Variants in TANGO6 observed in about 807,000 individuals in gnomAD.
TANGO6 encodes transport and golgi organization 6 homolog, also known as transport and Golgi organization protein 6 homolog.
TANGO6 carries 90 observed loss-of-function variants against 114.2 expected under a neutral mutation model. The ratio of observed to expected loss-of-function variants is 0.79; its 90% CI spans 0.66 to 0.94. The LOEUF (loss-of-function observed/expected upper bound fraction) is 0.94. Ranked by LOEUF, TANGO6 falls within the 40% of genes least tolerant of loss-of-function variation. The pLI, the probability that TANGO6 is intolerant of heterozygous loss-of-function variation, is 0.00. For synonymous variants in TANGO6, 477 were observed against 509.8 expected (o/e 0.94, Z 0.87); for missense variants, 1,274 against 1,315.3 (o/e 0.97, Z 0.49).
intron 17 of TANGO6, among the ~76,000 whole-genome samples, chr16:69,062,877 G>A (rs1189842140): frequency 6.7e-6 from 1 of 150,040 alleles, no homozygotes; most frequent in Admixed American, 6.6e-5. Flanking sequence ...GGTGAATCAC[G>A]AGGTCAGGAG....
intron 16 of TANGO6, among the ~76,000 whole-genome samples, chr16:69,023,968 C>T (rs1409928925): frequency 1.3e-5 from 2 of 151,916 alleles, no homozygotes; most frequent in African/African-American, 2.4e-5. Flanking sequence ...AGTGCAGTGG[C>T]GCAATCGTGG....
rs754486429 is a variant in TANGO6 at position 68,843,747 on chromosome 16, G to C, written c.94+36G>C. 4 of 1,604,486 alleles carry C rather than the reference G, an allele frequency of 2.5e-6. No individual in the cohort carries two copies. In the South Asian group the frequency reaches 4.4e-5, roughly 18 times the overall value. ...GCATCTCCGCGCCGGGCTGGACCCG[G>C]GACTCTCAGGGCCGCCCGGCTTCCG... On this transcript the variant is annotated intron_variant, in intron 1 of 17. Coordinates refer to ENST00000261778, the MANE Select transcript of TANGO6 (RefSeq NM_024562.2).
chr16:68,893,875 C>G (rs1962667251), intron 7 of TANGO6, among the ~76,000 whole-genome samples: 1 of 151,916 alleles, frequency 6.6e-6, no homozygotes, highest in Non-Finnish European at 1.5e-5. Context: ...GCCCCCCGCC[C>G]CGCCCCAACT....
intron 10 of TANGO6, among the ~76,000 whole-genome samples, 196 bp from the exon 11 acceptor site, chr16:68,909,015 A>G (rs1033713784): frequency 2.6e-5 from 4 of 152,210 alleles, no homozygotes; most frequent in African/African-American, 9.7e-5. Flanking sequence ...GCTGTGATAC[A>G]ATAAATACAT....
intron 15 of TANGO6, among the ~76,000 whole-genome samples, chr16:68,995,700 C>T (rs1378172391): frequency 6.6e-6 from 1 of 152,066 alleles, no homozygotes; most frequent in African/African-American, 2.4e-5. Context: ...TCCATTGTAC[C>T]CTGTTATTTA....
At chr16:69,005,989 C>CTT (rs1964088747) in intron 15 of TANGO6, among the ~76,000 whole-genome samples, 1 of 152,072 alleles carries the variant, frequency 6.6e-6, no homozygotes, top group Non-Finnish European at 1.5e-5. Context: ...ATTTAGAAGG[C>CTT]TTTTACAAAT....
intron 15 of TANGO6, among the ~76,000 whole-genome samples, chr16:68,978,968 A>C (rs1252188752): frequency 7.0e-6 from 1 of 142,828 alleles, no homozygotes; most frequent in Non-Finnish European, 1.5e-5. Flanking sequence ...TCTGTTGCCC[A>C]GGCTGGAATG....
intron 17 of TANGO6, among the ~76,000 whole-genome samples, chr16:69,072,334 G>A (rs1329405435): frequency 6.6e-6 from 1 of 152,070 alleles, no homozygotes; most frequent in Non-Finnish European, 1.5e-5. Flanking sequence ...CTGTGAATGA[G>A]ACGCACCCAG....
intron 16 of TANGO6, among the ~76,000 whole-genome samples, chr16:69,026,881 G>T (rs1395295041): frequency 4.0e-5 from 6 of 151,754 alleles, no homozygotes; most frequent in African/African-American, 1.5e-4. Flanking sequence ...TTTATTTTTT[G>T]AGATGGAGTC....
intron 15 of TANGO6, among the ~76,000 whole-genome samples, chr16:68,999,233 G>A (rs1964019033): frequency 6.6e-6 from 1 of 152,110 alleles, no homozygotes; most frequent in African/African-American, 2.4e-5. Flanking sequence ...ATCTGTGCCT[G>A]TAGATACTTG....
chr16:68,855,697 A>C (rs987437026), intron 1 of TANGO6, among the ~76,000 whole-genome samples: 15 of 152,146 alleles, frequency 9.9e-5, no homozygotes, highest in African/African-American at 3.4e-4. Flanking sequence ...AGCCTGGCCA[A>C]CATGGTGGAA....
At chr16:68,931,862 A>G (rs760860173) in intron 14 of TANGO6, among the ~76,000 whole-genome samples, 1 of 151,672 alleles carries the variant, frequency 6.6e-6, no homozygotes, top group South Asian at 2.1e-4. Flanking sequence ...TGAGTTATGC[A>G]CTTTTTTTTT....
Position 68,907,099 on chromosome 16 carries a change from A to ATTT in TANGO6, c.1668-325_1668-323dup, listed in dbSNP as rs546359676. Among the ~76,000 whole-genome samples, 195 of 114,576 alleles carry ATTT rather than the reference A, an allele frequency of 1.7e-3. 4 individuals carry two copies. Among genetic ancestry groups the ATTT allele is most frequent in the Middle Eastern group, 5.4e-3 (1 of 186 alleles). The allele number at this position is 114,576 out of a possible 152,430, so 75.2% of individuals were successfully genotyped here. A position where few individuals can be genotyped will look rare whatever the true frequency, so the allele number is the denominator to read the frequency against. Reference sequence around the variant, plus strand: ...TGTGAGCCACCTCACCCAGACCTTGATTTTTTTTTTTTTTTTTTTTTGTAT... The same window carrying ATTT: ...TGTGAGCCACCTCACCCAGACCTTGATTTTTTTTTTTTTTTTTTTTTTTTGTAT... On this transcript the variant is annotated intron_variant, in intron 9 of 17. Coordinates refer to ENST00000261778, the MANE Select transcript of TANGO6 (RefSeq NM_024562.2).
At chr16:68,982,416 A>G (rs535758093) in intron 15 of TANGO6, among the ~76,000 whole-genome samples, 48 of 151,698 alleles carry the variant, frequency 3.2e-4, no homozygotes, top group African/African-American at 1.2e-3. Context: ...GCTCACTGCA[A>G]CCTCCTGGGT....
intron 17 of TANGO6, among the ~76,000 whole-genome samples, chr16:69,056,881 C>T (rs1412531719): frequency 1.3e-5 from 2 of 151,540 alleles, no homozygotes; most frequent in Non-Finnish European, 2.9e-5. Context: ...GGGGTTTCAC[C>T]GTGTTAGCCA....
chr16:68,952,501 C>G (rs1222145823), intron 14 of TANGO6, among the ~76,000 whole-genome samples: 3 of 152,170 alleles, frequency 2.0e-5, no homozygotes, highest in African/African-American at 7.2e-5. Flanking sequence ...TGAAGCTGTT[C>G]ACACACTTAG....
At chr16:68,930,659 A>G (rs1597025569) in intron 14 of TANGO6, among the ~76,000 whole-genome samples, 1 of 143,514 alleles carries the variant, frequency 7.0e-6, no homozygotes, top group Admixed American at 7.0e-5. Context: ...TTTTTGAGAC[A>G]GAGTCTCGCT....
At chr16:68,949,500 A>G (rs1458559339) in intron 14 of TANGO6, among the ~76,000 whole-genome samples, 1 of 152,084 alleles carries the variant, frequency 6.6e-6, no homozygotes, top group African/African-American at 2.4e-5. Flanking sequence ...CAGTGCCTGT[A>G]ATCCCAGCTA....
At chr16:68,991,822 C>T (rs1390440222) in intron 15 of TANGO6, among the ~76,000 whole-genome samples, 2 of 151,478 alleles carry the variant, frequency 1.3e-5, no homozygotes, top group Non-Finnish European at 2.9e-5. Flanking sequence ...AAGACTGTCT[C>T]GCAAAATAAA....
Sources: gnomAD v4.1 joint callset for allele counts (sites outside exome capture counted in the v4.1 genomes callset) on GRCh38, gnomAD v4.1.1 for gene constraint, MANE v1.5 for transcripts, NCBI Gene and HGNC (gene_info 2026-07-23, HGNC 2026-07-21) for gene names.